TAOK3: variants seen among roughly 807,000 people sequenced by gnomAD.
The protein encoded by TAOK3 is serine/threonine-protein kinase TAO3.
TAOK3 carries 40 observed loss-of-function variants against 120.4 expected under a neutral mutation model. The ratio of observed to expected loss-of-function variants is 0.33; its 90% CI spans 0.26 to 0.43. The LOEUF (loss-of-function observed/expected upper bound fraction) is 0.43. Ranked by LOEUF, TAOK3 falls within the 20% of genes least tolerant of loss-of-function variation. The pLI is 1.00. For synonymous variants in TAOK3, 355 were observed against 387.5 expected (o/e 0.92, Z 0.99); for missense variants, 821 against 1,112.1 (o/e 0.74, Z 3.72).
Position 118,168,198 on chromosome 12 carries a change from G to A in TAOK3, c.1899+4259C>T, listed in dbSNP as rs573214427. The stretch of plus-strand genomic sequence containing the variant: ...GAAAAGGTGAAGATGGGCTGATGCT[G>A]GTCAAATGGTAGAAAGTTCCAGTTA... On this transcript the variant is annotated intron_variant, in intron 17 of 20. Transcript: ENST00000392533. 2.0e-5 allele frequency among the ~76,000 whole-genome samples: 3 copies of A among 152,320 alleles called. No homozygotes were observed. The East Asian group carries it at 5.8e-4, about 29-fold the overall frequency.
intron 9 of TAOK3, among the ~76,000 whole-genome samples, chr12:118,226,549 A>T (rs2039518217): frequency 6.6e-6 from 1 of 152,112 alleles, no homozygotes. Flanking sequence ...AAAAAAAAAA[A>T]AATTTACAGA....
chr12:118,206,514 C>T (rs775169410), intron 11 of TAOK3, among the ~76,000 whole-genome samples: 1 of 152,142 alleles, frequency 6.6e-6, no homozygotes, highest in Non-Finnish European at 1.5e-5. Flanking sequence ...AATTCTAAAC[C>T]CGTGCATACC....
At chr12:118,152,180 GC>G in intron 20 of TAOK3, 46 bp downstream of exon 20, 4 of 1,571,176 alleles carry the variant, frequency 2.5e-6, no homozygotes, top group East Asian at 2.3e-5. Flanking sequence ...CCTCAGCCAC[GC>G]CCCCTTCCAC....
rs375121760 is a variant in TAOK3 at position 118,161,959 on chromosome 12, G to C, written c.1968C>G (p.Thr656=). The C allele has an allele frequency of 9.9e-6, 16 of 1,613,884 alleles. No individual in the cohort carries two copies. In the African/African-American group the frequency reaches 2.1e-4, roughly 22 times the overall value. ...GCAGCTGCCTGTACTCTAGCTCTCG[G>C]GTGGACTCGTCGTGCCGGATTAGCA... The part of the protein sequence containing the change: ...HAMLIRHDES[T]RELEYRQLHT... Residue 656 remains threonine, a synonymous_variant, in exon 18 of 21, where the codon ACC becomes ACG. Transcript: ENST00000392533. The surrounding 1 kb of genome is among the most constrained non-coding windows in gnomAD (Gnocchi z 4.5).
chr12:118,348,576 G>A (rs543682184), intron 1 of TAOK3, among the ~76,000 whole-genome samples: 5 of 150,448 alleles, frequency 3.3e-5, no homozygotes, highest in East Asian at 2.0e-4. Context: ...TCAACTACCC[G>A]AGTAGCTCGG....
At chr12:118,347,453 G>C (rs78740282) in intron 1 of TAOK3, among the ~76,000 whole-genome samples, 5,007 of 152,158 alleles carry the variant, frequency 0.033, 268 homozygotes, top group African/African-American at 0.11. Context: ...CATTTATTGA[G>C]GGGAGGAGGG....
chr12:118,217,602 T>C (rs2038970924), intron 9 of TAOK3, among the ~76,000 whole-genome samples: 1 of 151,090 alleles, frequency 6.6e-6, no homozygotes, highest in Admixed American at 6.6e-5. Context: ...GAAAATCACT[T>C]GAACCCGGGA....
intron 9 of TAOK3, 108 bp from the exon 10 acceptor site, chr12:118,214,218 T>C (rs934375790): frequency 1.5e-5 from 12 of 787,182 alleles, no homozygotes; most frequent in Non-Finnish European, 2.2e-5. Context: ...AGCTCATTAC[T>C]GTCATCATGC....
At chr12:118,162,619 G>T (rs2035293409) in intron 17 of TAOK3, among the ~76,000 whole-genome samples, 1 of 151,978 alleles carries the variant, frequency 6.6e-6, no homozygotes, top group Non-Finnish European at 1.5e-5. Flanking sequence ...ATCAGAGGTA[G>T]GCCAATTGTC....
rs756581407 is a variant in TAOK3, at chr12:118,181,351, G to T, written c.1566+20C>A. The T allele has an allele frequency of 6.3e-7, 1 of 1,584,204 alleles. No individual in the cohort carries two copies. Among genetic ancestry groups the T allele is most frequent in the Non-Finnish European group, 8.7e-7 (1 of 1,155,242 alleles). On this transcript the variant is annotated intron_variant, in intron 15 of 20. Coordinates refer to ENST00000392533, the MANE Select transcript of TAOK3 (RefSeq NM_016281.4). Reference sequence around the variant, plus strand: ...GGCTGGGCTTGGTTGTGGCATGAAGGCGTGTGTGCACATACTGACCTCCTT... The same window carrying T: ...GGCTGGGCTTGGTTGTGGCATGAAGTCGTGTGTGCACATACTGACCTCCTT...
chr12:118,246,549 A>G, intron 3 of TAOK3: 1 of 1,555,346 alleles, frequency 6.4e-7, no homozygotes, highest in Non-Finnish European at 8.7e-7. Flanking sequence ...TGGGGCCATC[A>G]TCCTGGCCAA....
chr12:118,160,437 C>A lies in TAOK3; in HGVS notation c.2140-79G>T. 1 of 1,223,924 alleles carries A rather than the reference C, an allele frequency of 8.2e-7. No individual in the cohort carries two copies. 75.8% of individuals were successfully genotyped at this position (1,223,924 alleles called of 1,614,324 possible). A position where few individuals can be genotyped will look rare whatever the true frequency, so the allele number is the denominator to read the frequency against. On this transcript the variant is annotated intron_variant, in intron 18 of 20. Transcript: ENST00000392533. This position sits in a 1 kb window ranked among gnomAD's most constrained non-coding sequence, Gnocchi z 4.2. ...AGCCTTCTACCATAATGATATAATA[C>A]AAGTGCTGAGAGCGTCTGTTTTTTG...
intron 8 of TAOK3, among the ~76,000 whole-genome samples, chr12:118,234,059 G>C (rs1483068462): frequency 6.6e-6 from 1 of 151,916 alleles, no homozygotes; most frequent in Non-Finnish European, 1.5e-5. Context: ...CTGTAAAATG[G>C]AGATAATTCT....
chr12:118,318,759 T>A (rs2043579142), intron 1 of TAOK3, among the ~76,000 whole-genome samples: 1 of 152,184 alleles, frequency 6.6e-6, no homozygotes, highest in Non-Finnish European at 1.5e-5. Flanking sequence ...AATGAATATG[T>A]GAAAGAGATA....
chr12:118,174,471 T>G (rs923435654), intron 16 of TAOK3, among the ~76,000 whole-genome samples: 5 of 151,624 alleles, frequency 3.3e-5, no homozygotes, highest in Non-Finnish European at 5.9e-5. Flanking sequence ...AAAATTGACG[T>G]ATGCTTGAGG....
chr12:118,244,457 T>C (rs969999231), intron 4 of TAOK3, among the ~76,000 whole-genome samples: 2 of 151,686 alleles, frequency 1.3e-5, no homozygotes, highest in Non-Finnish European at 2.9e-5. Flanking sequence ...ACTTTTATTA[T>C]ATGCTCCACA....
chr12:118,201,474 G>A lies in TAOK3; in HGVS notation c.820-11C>T. 1.3e-6 allele frequency: 2 copies of A among 1,596,060 alleles called. No homozygotes were observed. The highest frequency in any genetic ancestry group is 8.5e-7 in the Non-Finnish European group (1 of 1,170,598). On this transcript the variant is annotated splice_polypyrimidine_tract_variant and intron_variant, in intron 11 of 20. Coordinates refer to ENST00000392533, the MANE Select transcript of TAOK3 (RefSeq NM_016281.4). The stretch of plus-strand genomic sequence containing the variant: ...TCGAACAAAGTCATGCTGATTGAGG[G>A]AGGAGGAAAAAATAAACTGATAATG...
At chr12:118,363,784 G>A (rs1350715763) in intron 1 of TAOK3, among the ~76,000 whole-genome samples, 1 of 151,730 alleles carries the variant, frequency 6.6e-6, no homozygotes, top group East Asian at 1.9e-4. Context: ...GAGACAGACA[G>A]ACAGACACAC....
chr12:118,196,004 C>T (rs1236242587), intron 13 of TAOK3, among the ~76,000 whole-genome samples: 2 of 151,690 alleles, frequency 1.3e-5, no homozygotes, highest in African/African-American at 2.4e-5. Flanking sequence ...GAACTGAGAT[C>T]GCGCCACTGC....
Sources: allele counts gnomAD v4.1 joint callset (sites outside exome capture counted in the v4.1 genomes callset), GRCh38; gene constraint gnomAD v4.1.1; non-coding constraint Gnocchi (gnomAD v3.1); transcripts MANE v1.5; gene names NCBI Gene and HGNC (gene_info 2026-07-23, HGNC 2026-07-21).